The following SLC15A4 variants were observed in gnomAD, a reference collection of about 807,000 sequenced individuals.
SLC15A4 encodes solute carrier family 15 member 4, also known as hPHT1.
SLC15A4 carries 26 observed loss-of-function variants against 46.1 expected under a neutral mutation model. That is an observed-to-expected ratio of 0.56 (90% confidence interval 0.41 to 0.78). The LOEUF (loss-of-function observed/expected upper bound fraction) is 0.78, where lower values mean the gene tolerates loss of function less well. Among genes scored for constraint, SLC15A4 ranks in the 30% least tolerant of loss-of-function variants. The pLI, the probability that SLC15A4 is intolerant of heterozygous loss-of-function variation, is 0.00. For synonymous variants in SLC15A4, 370 were observed against 333.4 expected, an observed-to-expected ratio of 1.11 and a Z score of -1.20; for missense variants, 751 against 755.7, an observed-to-expected ratio of 0.99 and a Z score of 0.07.
chr12:128,799,844 T>C (rs1955494170), intron 6 of SLC15A4, among the ~76,000 whole-genome samples: 1 of 152,174 alleles, frequency 6.6e-6, no homozygotes, highest in African/African-American at 2.4e-5. Context: ...CAATATACTT[T>C]ATCTTTTTTT....
At chr12:128,816,568 G>C (rs1955753710) in intron 1 of SLC15A4, among the ~76,000 whole-genome samples, 1 of 152,180 alleles carries the variant, frequency 6.6e-6, no homozygotes, top group Non-Finnish European at 1.5e-5. Context: ...TGGTGGCTCA[G>C]GTCTGGAATC....
At chr12:128,822,647 G>A (rs1955862777) in intron 1 of SLC15A4, among the ~76,000 whole-genome samples, 1 of 152,082 alleles carries the variant, frequency 6.6e-6, no homozygotes, top group African/African-American at 2.4e-5. Context: ...TGCCTCCCGG[G>A]TGCAAGCGAT....
At chr12:128,807,439 T>C (rs1955602866) in intron 5 of SLC15A4, among the ~76,000 whole-genome samples, 1 of 152,218 alleles carries the variant, frequency 6.6e-6, no homozygotes, top group Admixed American at 6.5e-5. Context: ...GGACGTCTCC[T>C]TTCCCACAGG....
rs200420155 is a variant in SLC15A4 at position 128,799,387 on chromosome 12, T to C, written c.1445A>G (p.Lys482Arg). 60 of 1,614,102 alleles carry C rather than the reference T, an allele frequency of 3.7e-5. No individual in the cohort carries two copies. Among genetic ancestry groups the C allele is most frequent in the Non-Finnish European group, 4.7e-5 (55 of 1,179,998 alleles). ...GLEFAYSAAP[K>R]SMQSAIMGLF... is the part of the protein sequence containing the mutation. ...GCCCATTATGGCACTCTGCATGGAC[T>C]TGGGGGCAGCTGAGTATGCAAATTC... The change falls in exon 7 of 8, where the codon AAG becomes AGG. Residue 482 changes from lysine (K) to arginine (R), a missense_variant. Lys to Arg is a conservative substitution (Grantham distance 26). Transcript: ENST00000266771.
chr12:128,823,527 G>A lies in SLC15A4; in HGVS notation c.417C>T (p.Leu139=). 2.0e-6 allele frequency: 3 copies of A among 1,471,300 alleles called. No homozygotes were observed. Among genetic ancestry groups the A allele is most frequent in the Non-Finnish European group, 2.7e-6 (3 of 1,119,000 alleles). 91.1% of individuals were successfully genotyped at this position (1,471,300 alleles called of 1,614,324 possible). The change falls in exon 1 of 8, where the codon CTC becomes CTT. Residue 139 remains leucine, a synonymous_variant. Transcript: ENST00000266771. The part of the protein sequence containing the change: ...RAALCGSARL[L]NCTAPGPDAA... Reference sequence around the variant, plus strand: ...CGTCGGGACCAGGCGCCGTGCAGTTGAGCAGGCGCGCGGAACCGCAGAGCG... The same window carrying A: ...CGTCGGGACCAGGCGCCGTGCAGTTAAGCAGGCGCGCGGAACCGCAGAGCG...
Position 128,794,210 on chromosome 12 carries a change from TG to T in SLC15A4, c.1719del (p.Ser574AlafsTer14). On this transcript the variant is annotated frameshift_variant, in exon 8 of 8. Coordinates refer to ENST00000266771, the MANE Select transcript of SLC15A4 (RefSeq NM_145648.4). LOFTEE classifies it high-confidence loss of function. ...HQRSRANGVPTSRRA is the reference protein window; with the variant it reads ...HQRSRANGVPXSRRA ...CCTCAGGAAGGTCAGGCCCTCCTGC[TG>T]GTGGGCACGCCATTGGCTCTTGATC... 1 of 1,612,274 alleles carries T rather than the reference TG, an allele frequency of 6.2e-7. No homozygotes were observed. Among genetic ancestry groups the T allele is most frequent in the Non-Finnish European group, 8.5e-7 (1 of 1,178,938 alleles).
At position 128,823,463 on chromosome 12, in the gene SLC15A4, GC is replaced by G. The variant is rs1175097725; in HGVS notation, c.480del (p.Leu161TrpfsTer50). On this transcript the variant is annotated frameshift_variant, in exon 1 of 8. Transcript: ENST00000266771. LOFTEE classifies it high-confidence loss of function. ...GCCACGCCCAGGCCCACCAGCACCAGCCCCGCGAAGGTGGCCGGTGAGCAGC... is the reference window on the plus strand; with the variant it reads ...GCCACGCCCAGGCCCACCAGCACCAGCCCGCGAAGGTGGCCGGTGAGCAGC... Reference protein sequence around the residue: ...ARCCSPATFAGLVLVGLGVAT... With the variant: ...ARCCSPATFAXLVLVGLGVAT... 6.8e-7 allele frequency: 1 copy of G among 1,481,166 alleles called. No homozygotes were observed. Among genetic ancestry groups the G allele is most frequent in the East Asian group, 2.9e-5 (1 of 34,970 alleles). The allele number at this position is 1,481,166 out of a possible 1,614,324, so 91.8% of individuals were successfully genotyped here. A position where few individuals can be genotyped will look rare whatever the true frequency, so the allele number is the denominator to read the frequency against.
At chr12:128,821,691 T>C (rs982765869) in intron 1 of SLC15A4, among the ~76,000 whole-genome samples, 2 of 151,954 alleles carry the variant, frequency 1.3e-5, no homozygotes, top group African/African-American at 4.8e-5. Flanking sequence ...ATCAAGACCA[T>C]CCTGGCCAAC....
At chr12:128,810,202 C>T (rs1176489117) in intron 2 of SLC15A4, 91 bp from the exon 3 acceptor site, 10 of 1,298,484 alleles carry the variant, frequency 7.7e-6, no homozygotes, top group African/African-American at 1.5e-5. Flanking sequence ...AAGAAACCAG[C>T]TCACTGTATT....
intron 1 of SLC15A4, among the ~76,000 whole-genome samples, chr12:128,818,675 G>C (rs183504132): frequency 2.4e-3 from 360 of 152,314 alleles, no homozygotes; most frequent in African/African-American, 7.7e-3. Context: ...ATTCAGTAGT[G>C]TCTAGTATAT....
In SLC15A4 at chr12:128,823,737, C is replaced by T; in HGVS notation, c.207G>A (p.Trp69Ter). Residue 69 changes from tryptophan (W) to a stop codon, truncating the protein, a stop_gained, in exon 1 of 8, where the codon TGG becomes TGA. Transcript: ENST00000266771. LOFTEE classifies it high-confidence loss of function. ...VLFLNGAPFC[W>*]EGAQASEALL... The stretch of plus-strand genomic sequence containing the variant: ...GCGCCTCGCTGGCCTGCGCGCCCTC[C>T]CAGCAGAACGGCGCCCCGTTCAGGA... The T allele has an allele frequency of 6.5e-7, 1 of 1,540,050 alleles. No individual in the cohort carries two copies. Among genetic ancestry groups the T allele is most frequent in the South Asian group, 1.2e-5 (1 of 83,942 alleles).
chr12:128,800,589 TTTC>T (rs1955506444), intron 6 of SLC15A4, among the ~76,000 whole-genome samples: 1 of 152,214 alleles, frequency 6.6e-6, no homozygotes, highest in Non-Finnish European at 1.5e-5. Flanking sequence ...CCACGATTGC[TTTC>T]TTCTTCTCTG....
At chr12:128,805,579 C>G (rs745971173) in intron 5 of SLC15A4, among the ~76,000 whole-genome samples, 10 of 152,120 alleles carry the variant, frequency 6.6e-5, no homozygotes, top group Non-Finnish European at 1.5e-4. Context: ...GTTGCCCAGG[C>G]TGGAGTGCAA....
chr12:128,823,812 C>G lies in SLC15A4; in HGVS notation c.132G>C (p.Glu44Asp). The G allele has an allele frequency of 6.7e-7, 1 of 1,483,146 alleles. No individual in the cohort carries two copies. Among genetic ancestry groups the G allele is most frequent in the Non-Finnish European group, 8.9e-7 (1 of 1,120,884 alleles). The allele number at this position is 1,483,146 out of a possible 1,614,324, so 91.9% of individuals were successfully genotyped here. ...RAACGAVLLT[E>D]LLERAAFYGI... Reference sequence around the variant, plus strand: ...CGTAGAAAGCGGCGCGCTCCAGCAGCTCCGTCAGCAGCACGGCCCCGCACG... The same window carrying G: ...CGTAGAAAGCGGCGCGCTCCAGCAGGTCCGTCAGCAGCACGGCCCCGCACG... Residue 44 changes from glutamate (E) to aspartate (D), a missense_variant, in exon 1 of 8, where the codon GAG becomes GAC. Transcript: ENST00000266771.
At chr12:128,810,201 G>A (rs1237351656) in intron 2 of SLC15A4, 90 bp from the exon 3 acceptor site, 10 of 1,313,976 alleles carry the variant, frequency 7.6e-6, no homozygotes, top group African/African-American at 1.5e-5. Context: ...TAAGAAACCA[G>A]CTCACTGTAT....
At chr12:128,801,721 T>G (rs1955520768) in intron 5 of SLC15A4, 1 of 152,214 alleles carries the variant, frequency 6.6e-6, no homozygotes, top group African/African-American at 2.4e-5. Context: ...AAGCATCTAT[T>G]CGCAGGTCCA....
At position 128,816,322 on chromosome 12, in the gene SLC15A4, G is replaced by A. The variant is rs548102402; in HGVS notation, c.547-1252C>T. On this transcript the variant is annotated intron_variant, in intron 1 of 7. Coordinates refer to ENST00000266771, the MANE Select transcript of SLC15A4 (RefSeq NM_145648.4). ...TACTAGACAGAGACATTTCTAGTGA[G>A]TTTCATTTCATAAATTTATTTTTAA... Among the ~76,000 whole-genome samples, 27 of 152,266 alleles carry A rather than the reference G, an allele frequency of 1.8e-4. No individual in the cohort carries two copies. The South Asian group carries it at 5.4e-3, about 30-fold the overall frequency.
At chr12:128,820,815 C>G (rs1329564211) in intron 1 of SLC15A4, among the ~76,000 whole-genome samples, 1 of 152,218 alleles carries the variant, frequency 6.6e-6, no homozygotes, top group Non-Finnish European at 1.5e-5. Context: ...TAGGCAAAAG[C>G]CTAAGAGTCG....
At chr12:128,815,258 T>C in intron 1 of SLC15A4, 188 bp from the exon 2 acceptor site, 1 of 591,482 alleles carries the variant, frequency 1.7e-6, no homozygotes, top group South Asian at 2.2e-5. Flanking sequence ...TTTTAATTAC[T>C]ACAGTTGCTA....
Sources: gnomAD v4.1 joint callset for allele counts (sites outside exome capture counted in the v4.1 genomes callset) on GRCh38, gnomAD v4.1.1 for gene constraint, MANE v1.5 for transcripts, NCBI Gene and HGNC (gene_info 2026-07-23, HGNC 2026-07-21) for gene names.